Variants in ENTREP2 observed in about 807,000 individuals in gnomAD.
The protein encoded by ENTREP2 is protein ENTREP2.
chr15:29,465,732 G>A, the ENTREP2 span, among the ~76,000 whole-genome samples: 1 of 152,318 alleles, frequency 6.6e-6, no homozygotes, highest in East Asian at 1.9e-4. Flanking sequence ...TCTTTGGGAT[G>A]ACAGTTATAA....
At chr15:29,391,922 T>C in the ENTREP2 span, among the ~76,000 whole-genome samples, 6 of 152,224 alleles carry the variant, frequency 3.9e-5, no homozygotes, top group African/African-American at 1.4e-4. Flanking sequence ...CCTCCCGGGT[T>C]CACGCCATTC....
the ENTREP2 span, among the ~76,000 whole-genome samples, chr15:29,369,414 C>G: frequency 6.6e-6 from 1 of 151,274 alleles, no homozygotes; most frequent in African/African-American, 2.4e-5. Flanking sequence ...GGACAGGAGG[C>G]AGAGCAAATG....
At chr15:29,606,978 T>C in the ENTREP2 span, among the ~76,000 whole-genome samples, 1 of 151,894 alleles carries the variant, frequency 6.6e-6, no homozygotes, top group African/African-American at 2.4e-5. Context: ...GGATTACAGG[T>C]GCAAGCCACC....
chr15:29,640,686 A>C, the ENTREP2 span, among the ~76,000 whole-genome samples: 12 of 152,154 alleles, frequency 7.9e-5, no homozygotes, highest in Admixed American at 7.2e-4. Context: ...AAAAACCAAA[A>C]AGAAAAGAAA....
the ENTREP2 span, among the ~76,000 whole-genome samples, chr15:29,558,852 T>C: frequency 2.0e-5 from 3 of 150,956 alleles, no homozygotes; most frequent in African/African-American, 7.3e-5. Flanking sequence ...CATTTTCTCT[T>C]CCCTATGATT....
chr15:29,603,946 C>T, the ENTREP2 span, among the ~76,000 whole-genome samples: 1 of 152,136 alleles, frequency 6.6e-6, no homozygotes, highest in Middle Eastern at 3.4e-3. Flanking sequence ...GCCTGAAACT[C>T]CAATTTTAAT....
At chr15:29,195,281 G>T in the ENTREP2 span, 2 of 985,184 alleles carry the variant, frequency 2.0e-6, no homozygotes, top group Non-Finnish European at 2.4e-6. Context: ...GAGATGAGCC[G>T]CATCCTCTCT....
chr15:29,342,502 G>C, the ENTREP2 span, among the ~76,000 whole-genome samples: 6 of 152,228 alleles, frequency 3.9e-5, no homozygotes, highest in East Asian at 1.2e-3. Context: ...TTCCAGAACC[G>C]GGATTCCTGA....
chr15:29,295,294 C>T, the ENTREP2 span, among the ~76,000 whole-genome samples: 1 of 152,214 alleles, frequency 6.6e-6, no homozygotes, highest in Non-Finnish European at 1.5e-5. Context: ...AGAGGAGTGG[C>T]ATGGCCTCAG....
the ENTREP2 span, among the ~76,000 whole-genome samples, chr15:29,599,849 C>T: frequency 6.6e-6 from 1 of 152,216 alleles, no homozygotes; most frequent in South Asian, 2.1e-4. Flanking sequence ...ACAATACAGT[C>T]CCTACATTTC....
At chr15:29,498,256 A>G in the ENTREP2 span, among the ~76,000 whole-genome samples, 1 of 152,098 alleles carries the variant, frequency 6.6e-6, no homozygotes, top group Admixed American at 6.6e-5. Context: ...TCTTTTCTTT[A>G]TAAATTATCC....
the ENTREP2 span, among the ~76,000 whole-genome samples, chr15:29,212,182 A>C: frequency 6.6e-6 from 1 of 152,146 alleles, no homozygotes. Flanking sequence ...CAGGGTATCT[A>C]ATTCTTCCTG....
the ENTREP2 span, among the ~76,000 whole-genome samples, chr15:29,341,345 C>T: frequency 2.6e-5 from 4 of 152,198 alleles, no homozygotes; most frequent in Non-Finnish European, 2.9e-5. Flanking sequence ...CCATTAATTA[C>T]TCACAGGGCA....
the ENTREP2 span, among the ~76,000 whole-genome samples, chr15:29,566,316 G>A: frequency 5.3e-5 from 8 of 149,658 alleles, no homozygotes; most frequent in East Asian, 2.0e-4. Context: ...CTGCCACCAC[G>A]CCCAGCTAGT....
the ENTREP2 span, among the ~76,000 whole-genome samples, chr15:29,615,161 T>C: frequency 7.6e-6 from 1 of 132,326 alleles, no homozygotes; most frequent in East Asian, 2.8e-4. Flanking sequence ...TTTTTTTTCT[T>C]TTTTTTTTTT....
the ENTREP2 span, among the ~76,000 whole-genome samples, chr15:29,131,551 T>C: frequency 7.2e-6 from 1 of 138,358 alleles, no homozygotes; most frequent in Non-Finnish European, 1.6e-5. Flanking sequence ...TGTCCTGCCA[T>C]GCGCCTTAGC....
the ENTREP2 span, among the ~76,000 whole-genome samples, chr15:29,474,382 C>G: frequency 6.6e-6 from 1 of 152,242 alleles, no homozygotes; most frequent in African/African-American, 2.4e-5. Flanking sequence ...CACAGATCAG[C>G]CCTTCAGAAA....
At chr15:29,165,643 C>T in the ENTREP2 span, among the ~76,000 whole-genome samples, 9 of 152,144 alleles carry the variant, frequency 5.9e-5, no homozygotes, top group East Asian at 1.5e-3. Flanking sequence ...AATTAGATAC[C>T]TTGAACAGAC....
chr15:29,394,811 T>G, the ENTREP2 span, among the ~76,000 whole-genome samples: 1 of 152,104 alleles, frequency 6.6e-6, no homozygotes, highest in African/African-American at 2.4e-5. Flanking sequence ...GTTTTATCCT[T>G]TTGTGACAGG....
Sources: allele counts gnomAD v4.1 joint callset (sites outside exome capture counted in the v4.1 genomes callset), GRCh38; gene constraint gnomAD v4.1.1; transcripts MANE v1.5; gene names NCBI Gene and HGNC (gene_info 2026-07-23, HGNC 2026-07-21).